Variants in CNTNAP3 observed in about 807,000 individuals in gnomAD.
CNTNAP3 encodes the protein contactin associated protein family member 3, also known as contactin-associated protein-like 3.
Under a neutral mutation model 92.1 loss-of-function variants are expected in CNTNAP3, and 36 were observed. The observed-to-expected ratio is 0.39, with a 90% CI of 0.30 to 0.52. The LOEUF (loss-of-function observed/expected upper bound fraction) is 0.52, where lower values mean the gene tolerates loss of function less well. CNTNAP3 is among the 20% of genes least tolerant of loss of function. CNTNAP3 has a pLI of 0.76. For synonymous variants in CNTNAP3, 232 were observed against 422.3 expected, an observed-to-expected ratio of 0.55 and a Z score of 5.53; for missense variants, 534 against 1,069.6, an observed-to-expected ratio of 0.50 and a Z score of 6.98.
At chr9:39,091,226 C>G (rs1018534778) in intron 18 of CNTNAP3, among the ~76,000 whole-genome samples, 2 of 149,446 alleles carry the variant, frequency 1.3e-5, no homozygotes, top group African/African-American at 5.0e-5. Flanking sequence ...ACCTCTAGTA[C>G]AATGCTGAAT....
chr9:39,097,744 T>C (rs1339843728), intron 18 of CNTNAP3, among the ~76,000 whole-genome samples: 1 of 144,298 alleles, frequency 6.9e-6, no homozygotes, highest in African/African-American at 2.5e-5. Flanking sequence ...CATACTGAGC[T>C]AGGGATGGGG....
intron 18 of CNTNAP3, among the ~76,000 whole-genome samples, chr9:39,094,033 GTTT>G (rs1390024501): frequency 1.4e-5 from 2 of 140,520 alleles, no homozygotes; most frequent in East Asian, 4.6e-4. Flanking sequence ...GTTATTTTCT[GTTT>G]TTATTTATTT....
intron 14 of CNTNAP3, among the ~76,000 whole-genome samples, chr9:39,117,685 G>C (rs1019224586): frequency 1.3e-5 from 2 of 152,126 alleles, no homozygotes; most frequent in African/African-American, 4.8e-5. Flanking sequence ...AGTTTCTTGT[G>C]TTAATGTTAA....
chr9:39,107,800 A>C (rs948636791), intron 15 of CNTNAP3, among the ~76,000 whole-genome samples: 10 of 152,208 alleles, frequency 6.6e-5, no homozygotes, highest in South Asian at 2.1e-4. Context: ...CCAACAAATG[A>C]AACAAAGTAT....
At chr9:39,141,437 T>C (rs559654886) in intron 11 of CNTNAP3, among the ~76,000 whole-genome samples, 21 of 152,276 alleles carry the variant, frequency 1.4e-4, no homozygotes, top group African/African-American at 4.8e-4. Flanking sequence ...TTAAAGCTGA[T>C]TTAAAAAAGA....
chr9:39,102,437 T>C (rs1826486106), intron 17 of CNTNAP3, 60 bp downstream of exon 17: 1 of 1,551,898 alleles, frequency 6.4e-7, no homozygotes, highest in African/African-American at 1.4e-5. Flanking sequence ...ACAGTTCTTA[T>C]TTTCTTTTGG....
rs1315300279 is a variant in CNTNAP3 at position 39,067,661 on chromosome 9, G to A, written c.*6229C>T. Among the ~76,000 whole-genome samples, 1 of 152,312 alleles carries A rather than the reference G, an allele frequency of 6.6e-6. No homozygotes were observed. Among genetic ancestry groups the A allele is most frequent in the Non-Finnish European group, 1.5e-5 (1 of 68,058 alleles). ...TCTGCCTGCCTCGACCTCCCAAAGT[G>A]CTGGGATTACAGGCATGAGCCACTG... On this transcript the variant is annotated 3_prime_UTR_variant, in exon 24 of 24. Transcript: ENST00000297668.
chr9:39,148,694 T>G (rs1376802586), intron 10 of CNTNAP3, among the ~76,000 whole-genome samples: 1 of 152,032 alleles, frequency 6.6e-6, no homozygotes, highest in East Asian at 1.9e-4. Flanking sequence ...CCTGGCTAAT[T>G]TTTTGCATTT....
At chr9:39,083,261 T>C (rs1365492181) in intron 21 of CNTNAP3, among the ~76,000 whole-genome samples, 1 of 151,572 alleles carries the variant, frequency 6.6e-6, no homozygotes, top group Non-Finnish European at 1.5e-5. Flanking sequence ...TGTATTCATA[T>C]GCAACTGTTT....
chr9:39,149,992 A>T lies in CNTNAP3; in HGVS notation c.1478-15T>A, dbSNP rs1821804726. 1 of 1,611,550 alleles carries T rather than the reference A, an allele frequency of 6.2e-7. No individual in the cohort carries two copies. Among genetic ancestry groups the T allele is most frequent in the Non-Finnish European group, 8.5e-7 (1 of 1,179,732 alleles). On this transcript the variant is annotated splice_polypyrimidine_tract_variant and intron_variant, in intron 9 of 23. Coordinates refer to ENST00000297668, the MANE Select transcript of CNTNAP3 (RefSeq NM_033655.5). ...GTCCAGGCAGCCTAAATATGAAGAC[A>T]AAAATAGGACAAAAGCAACAACTAT...
At chr9:39,225,614 T>C (rs1474300167) in intron 3 of CNTNAP3, among the ~76,000 whole-genome samples, 1 of 15,954 alleles carries the variant, frequency 6.3e-5, no homozygotes, top group African/African-American at 8.6e-5. Flanking sequence ...TTGATAATAA[T>C]ATGTCTTGGT....
chr9:39,132,956 T>C lies in CNTNAP3; in HGVS notation c.2056A>G (p.Thr686Ala), dbSNP rs1480403692. 2 of 1,547,388 alleles carry C rather than the reference T, an allele frequency of 1.3e-6. No individual in the cohort carries two copies. Among genetic ancestry groups the C allele is most frequent in the Non-Finnish European group, 1.7e-6 (2 of 1,156,690 alleles). The change falls in exon 13 of 24, where the codon ACG becomes GCG. Residue 686 changes from threonine (T) to alanine (A), a missense_variant. By Grantham distance (58) the Thr-to-Ala change is moderately conservative (BLOSUM62 0). Transcript: ENST00000297668. The part of the protein sequence containing the change: ...CEQRLALRCG[T>A]ARRPDSRDGT... ...CCTCGTGAGTCCGGGCGCCGCGCCG[T>C]CCCGCAGCGCAGAGCCAGCCGCTGC... is the stretch of plus-strand genomic sequence containing the variant.
At position 39,288,158 on chromosome 9, in the gene CNTNAP3, G is replaced by A. The variant is rs1823062871; in HGVS notation, c.-94C>T. 2 of 496,166 alleles carry A rather than the reference G, an allele frequency of 4.0e-6. 1 individual carries two copies. The allele number at this position is 496,166 out of a possible 1,614,324, so 30.7% of individuals were successfully genotyped here. A position where few individuals can be genotyped will look rare whatever the true frequency, so the allele number is the denominator to read the frequency against. On this transcript the variant is annotated 5_prime_UTR_variant, in exon 1 of 24. Transcript: ENST00000297668. The stretch of plus-strand genomic sequence containing the variant: ...CTCCCGTCCCCTGCGCGGCTCTGAC[G>A]CTGCTCTGCCTCCCCTGTCCAGTCT...
In CNTNAP3 at chr9:39,071,174, T is replaced by C. The variant is rs994688110; in HGVS notation, c.*2716A>G. On this transcript the variant is annotated 3_prime_UTR_variant, in exon 24 of 24. Transcript: ENST00000297668. ...ATGTCTCTATTACAATGAAAGATCA[T>C]ACACAGTCTGGAAGAAAATGTTAAA... Among the ~76,000 whole-genome samples, 1 of 152,054 alleles carries C rather than the reference T, an allele frequency of 6.6e-6. No homozygotes were observed. Among genetic ancestry groups the C allele is most frequent in the Non-Finnish European group, 1.5e-5 (1 of 67,986 alleles).
chr9:39,115,357 A>C (rs1195657782), intron 14 of CNTNAP3, among the ~76,000 whole-genome samples: 1 of 152,106 alleles, frequency 6.6e-6, no homozygotes, highest in Admixed American at 6.6e-5. Context: ...TCTTATGTCT[A>C]CACCTTAATC....
chr9:39,114,365 G>A (rs1259423478), intron 14 of CNTNAP3, among the ~76,000 whole-genome samples: 8 of 152,094 alleles, frequency 5.3e-5, no homozygotes, highest in African/African-American at 1.7e-4. Context: ...GATTACAGGC[G>A]TGAGCCATGG....
chr9:39,149,801 C>G lies in CNTNAP3; in HGVS notation c.1649+5G>C. 6.3e-7 allele frequency: 1 copy of G among 1,576,762 alleles called. No homozygotes were observed. Reference sequence around the variant, plus strand: ...CAAGCTAAAGTGACCTAGGATGGCCCTTACCTGTCTGTGATGCCGCAGGAG... The same window carrying G: ...CAAGCTAAAGTGACCTAGGATGGCCGTTACCTGTCTGTGATGCCGCAGGAG... On this transcript the variant is annotated splice_donor_5th_base_variant and intron_variant, in intron 10 of 23. Transcript: ENST00000297668.
chr9:39,093,543 A>C (rs1471042428), intron 18 of CNTNAP3, among the ~76,000 whole-genome samples: 1 of 151,134 alleles, frequency 6.6e-6, no homozygotes, highest in Non-Finnish European at 1.5e-5. Context: ...CCCTCATCTC[A>C]GCTGCTGGTA....
chr9:39,140,248 T>C (rs1821541883), intron 12 of CNTNAP3, among the ~76,000 whole-genome samples: 1 of 145,284 alleles, frequency 6.9e-6, no homozygotes, highest in Non-Finnish European at 1.5e-5. Flanking sequence ...CAGAGGTTTG[T>C]ATTTTTCATG....
Sources: allele counts gnomAD v4.1 joint callset (sites outside exome capture counted in the v4.1 genomes callset), GRCh38; gene constraint gnomAD v4.1.1; transcripts MANE v1.5; gene names NCBI Gene and HGNC (gene_info 2026-07-23, HGNC 2026-07-21).